Variants in PCDHGA3 observed in about 807,000 individuals in gnomAD.
PCDHGA3 encodes the protein protocadherin gamma subfamily A, 3, also known as protocadherin gamma-A3.
Under a neutral mutation model 58.5 loss-of-function variants are expected in PCDHGA3, and 40 were observed. The observed-to-expected ratio is 0.68, with a 90% CI of 0.53 to 0.89. The LOEUF is 0.89. PCDHGA3 is among the 40% of genes least tolerant of loss of function. PCDHGA3 has a pLI of 0.00. For missense variants in PCDHGA3, 1,223 were observed against 1,195.9 expected, an observed-to-expected ratio of 1.02 and a Z score of -0.33; for synonymous variants, 530 against 525.7, an observed-to-expected ratio of 1.01 and a Z score of -0.11.
chr5:141,422,472 G>A lies in PCDHGA3; in HGVS notation c.2425-72335G>A, dbSNP rs772474296. On this transcript the variant is annotated intron_variant, in intron 1 of 3. Transcript: ENST00000253812. ...CAAGCAGAGTGCTGGACAGGGAGTTGGTCCAGAGCTACAATATAACGTTGA... is the reference window on the plus strand; with the variant it reads ...CAAGCAGAGTGCTGGACAGGGAGTTAGTCCAGAGCTACAATATAACGTTGA... 75 of 1,613,562 alleles carry A rather than the reference G, an allele frequency of 4.6e-5. 3 individuals are homozygous for A. In the South Asian group the frequency reaches 8.1e-4, roughly 17 times the overall value.
chr5:141,398,367 G>A, intron 1 of PCDHGA3: 1 of 1,430,476 alleles, frequency 7.0e-7, no homozygotes, highest in Non-Finnish European at 9.7e-7. Context: ...TGAGCGCAGA[G>A]AGCGGGGAGT....
At chr5:141,419,004 T>C in intron 1 of PCDHGA3, 1 of 1,613,886 alleles carries the variant, frequency 6.2e-7, no homozygotes, top group Non-Finnish European at 8.5e-7. Context: ...AATGGGGAAG[T>C]CAGGTGTAGC....
In PCDHGA3 at chr5:141,382,960, G is replaced by C. The variant is rs62621829; in HGVS notation, c.2424+36503G>C. The C allele has an allele frequency of 3.2e-4, 511 of 1,607,476 alleles. 2 individuals are homozygous for C. The highest frequency in any genetic ancestry group is 5.5e-5 in the Non-Finnish European group (65 of 1,175,660). On this transcript the variant is annotated intron_variant, in intron 1 of 3. Coordinates refer to ENST00000253812, the MANE Select transcript of PCDHGA3 (RefSeq NM_018916.4). ...ATTCTTCCTGCTCTCCATCCTCCTGGGGACCCCCTGGGAAGCCTGGGCAGG... is the reference window on the plus strand; with the variant it reads ...ATTCTTCCTGCTCTCCATCCTCCTGCGGACCCCCTGGGAAGCCTGGGCAGG...
rs1389786201 is a variant in PCDHGA3, at chr5:141,486,949, G to A, written c.2425-7858G>A. 4 of 1,614,224 alleles carry A rather than the reference G, an allele frequency of 2.5e-6. No individual in the cohort carries two copies. Among genetic ancestry groups the A allele is most frequent in the African/African-American group, 2.7e-5 (2 of 75,064 alleles). ...TTGGTGCTGGCCACCTAATCACAAA[G>A]GTGACTGCTGTGGACTTGGATTCAG... On this transcript the variant is annotated intron_variant, in intron 1 of 3. Coordinates refer to ENST00000253812, the MANE Select transcript of PCDHGA3 (RefSeq NM_018916.4). The surrounding 1 kb of genome is among the most constrained non-coding windows in gnomAD (Gnocchi z 5.0).
In PCDHGA3 at chr5:141,399,498, A is replaced by G. The variant is rs539360572; in HGVS notation, c.2424+53041A>G. The G allele has an allele frequency of 1.4e-5, 22 of 1,614,002 alleles. No individual in the cohort carries two copies. The African/African-American group carries it at 2.5e-4, about 19-fold the overall frequency. On this transcript the variant is annotated intron_variant, in intron 1 of 3. Coordinates refer to ENST00000253812, the MANE Select transcript of PCDHGA3 (RefSeq NM_018916.4). Reference sequence around the variant, plus strand: ...ACCAGGCGTCCTACTTAGTCAGTGTACCCGAAAACAACCCTCCTGGGGCCT... The same window carrying G: ...ACCAGGCGTCCTACTTAGTCAGTGTGCCCGAAAACAACCCTCCTGGGGCCT...
chr5:141,409,867 C>A (rs376725837), intron 1 of PCDHGA3: 201 of 1,612,544 alleles, frequency 1.2e-4, no homozygotes, highest in Middle Eastern at 8.2e-4. Context: ...TGGGAGACCG[C>A]AATGACAACG....
intron 1 of PCDHGA3, chr5:141,370,655 C>A: frequency 6.2e-7 from 1 of 1,613,826 alleles, no homozygotes; most frequent in Non-Finnish European, 8.5e-7. Context: ...TACTTGTGAG[C>A]GACCGTATAG....
At chr5:141,364,591 G>A (rs754833725) in intron 1 of PCDHGA3, 1 of 1,614,194 alleles carries the variant, frequency 6.2e-7, no homozygotes, top group Non-Finnish European at 8.5e-7. Flanking sequence ...TGGTCACCGC[G>A]GGCAGGATAG....
chr5:141,510,428 G>A (rs1254357998), intron 3 of PCDHGA3, among the ~76,000 whole-genome samples: 2 of 152,092 alleles, frequency 1.3e-5, no homozygotes, highest in African/African-American at 4.8e-5. Flanking sequence ...TGGTTTCATG[G>A]CTGCTGCCCT....
intron 1 of PCDHGA3, chr5:141,357,548 A>G: frequency 6.2e-7 from 1 of 1,614,204 alleles, no homozygotes; most frequent in South Asian, 1.1e-5. Context: ...ATCAGCCGGG[A>G]GAGTTGTGAG....
intron 1 of PCDHGA3, among the ~76,000 whole-genome samples, chr5:141,425,159 G>C (rs557552439): frequency 6.6e-6 from 1 of 152,126 alleles, no homozygotes; most frequent in South Asian, 2.1e-4. Context: ...AGCATCTAGG[G>C]ATAGGATTTA....
Position 141,344,944 on chromosome 5 carries a change from T to C in PCDHGA3, c.911T>C (p.Leu304Ser), listed in dbSNP as rs1757495124. Residue 304 changes from leucine to serine, a missense_variant, in exon 1 of 4, where the codon TTA becomes TCA. This residue lies in a region of PCDHGA3 where 791 missense variants were observed against 708.5 expected (regional missense o/e 1.12). Coordinates refer to ENST00000253812, the MANE Select transcript of PCDHGA3 (RefSeq NM_018916.4). ...TCAGTGAGTGGAGAAGTATCAATATTAAAAAGTCTAGATTATGAGGATGCC... is the reference window on the plus strand; with the variant it reads ...TCAGTGAGTGGAGAAGTATCAATATCAAAAAGTCTAGATTATGAGGATGCC... ...LNSVSGEVSI[L>S]KSLDYEDAMF... 1 of 1,613,738 alleles carries C rather than the reference T, an allele frequency of 6.2e-7. No homozygotes were observed. The highest frequency in any genetic ancestry group is 1.1e-5 in the South Asian group (1 of 91,078).
chr5:141,478,590 A>T, intron 1 of PCDHGA3: 1 of 1,573,342 alleles, frequency 6.4e-7, no homozygotes, highest in South Asian at 1.1e-5. Flanking sequence ...GTGCTTTTTT[A>T]TTCCTACATC....
intron 1 of PCDHGA3, chr5:141,400,068 GC>G (rs1160956861): frequency 6.2e-7 from 1 of 1,613,706 alleles, no homozygotes; most frequent in African/African-American, 1.3e-5. Context: ...ATGGTGGACA[GC>G]CGCCACTCTC....
In PCDHGA3 at chr5:141,503,604, A is replaced by G. The variant is rs189211439; in HGVS notation, c.2484-1789A>G. 5.2e-3 allele frequency among the ~76,000 whole-genome samples: 793 copies of G among 151,946 alleles called. 3 individuals carry two copies. The highest frequency in any genetic ancestry group is 8.3e-3 in the Non-Finnish European group (566 of 67,924). On this transcript the variant is annotated intron_variant, in intron 2 of 3. Coordinates refer to ENST00000253812, the MANE Select transcript of PCDHGA3 (RefSeq NM_018916.4). ...ACAGAGCGAGACTCCAGCTCAAAAA[A>G]AAAAAAAAAAGAAAAAAGAAAAGAA...
At chr5:141,383,517 G>A (rs374823629) in intron 1 of PCDHGA3, 1 of 1,612,492 alleles carries the variant, frequency 6.2e-7, no homozygotes, top group Non-Finnish European at 8.5e-7. Context: ...AGGAAGAGCG[G>A]GTTCACCACC....
intron 1 of PCDHGA3, chr5:141,357,767 C>A: frequency 2.1e-6 from 2 of 947,568 alleles, no homozygotes; most frequent in Non-Finnish European, 1.5e-6. Context: ...GATGACCTTC[C>A]AATAATGATC....
At chr5:141,481,762 GC>G (rs1307001837) in intron 1 of PCDHGA3, among the ~76,000 whole-genome samples, 1 of 152,126 alleles carries the variant, frequency 6.6e-6, no homozygotes, top group Admixed American at 6.5e-5. Context: ...GACCAGCCTG[GC>G]CAACATGGTG....
Position 141,490,051 on chromosome 5 carries a change from G to C in PCDHGA3, c.2425-4756G>C, listed in dbSNP as rs779280988. 1 of 1,614,214 alleles carries C rather than the reference G, an allele frequency of 6.2e-7. No individual in the cohort carries two copies. The highest frequency in any genetic ancestry group is 1.1e-5 in the South Asian group (1 of 91,082). On this transcript the variant is annotated intron_variant, in intron 1 of 3. Coordinates refer to ENST00000253812, the MANE Select transcript of PCDHGA3 (RefSeq NM_018916.4). The surrounding 1 kb of genome is among the most constrained non-coding windows in gnomAD (Gnocchi z 5.4). Reference sequence around the variant, plus strand: ...CCGCCTCAATGCCACTGATCCAGACGAGGGCACCAACGGCCAACTAGACTA... The same window carrying C: ...CCGCCTCAATGCCACTGATCCAGACCAGGGCACCAACGGCCAACTAGACTA...
Sources: allele counts gnomAD v4.1 joint callset (sites outside exome capture counted in the v4.1 genomes callset), GRCh38; gene constraint gnomAD v4.1.1; regional missense constraint gnomAD v4.1.1; non-coding constraint Gnocchi (gnomAD v3.1); transcripts MANE v1.5; gene names NCBI Gene and HGNC (gene_info 2026-07-23, HGNC 2026-07-21).